The following TMEM30A variants were observed in gnomAD, a reference collection of about 807,000 sequenced individuals.
The protein encoded by TMEM30A is cell cycle control protein 50A.
A neutral mutation model predicts 38.2 loss-of-function variants in TMEM30A; 24 were observed. The ratio of observed to expected loss-of-function variants is 0.63; its 90% CI spans 0.46 to 0.88. The LOEUF (loss-of-function observed/expected upper bound fraction) is 0.88, where lower values mean the gene tolerates loss of function less well. Among genes scored for constraint, TMEM30A ranks in the 40% least tolerant of loss-of-function variants. The pLI, the probability that TMEM30A is intolerant of heterozygous loss-of-function variation, is 0.00. For synonymous variants in TMEM30A, 145 were observed against 161.6 expected, an observed-to-expected ratio of 0.90 and a Z score of 0.78; for missense variants, 370 against 458.6, an observed-to-expected ratio of 0.81 and a Z score of 1.77.
chr6:75,284,552 A>G lies in TMEM30A; in HGVS notation c.87T>C (p.Asp29=), dbSNP rs759709751. The G allele has an allele frequency of 1.2e-6, 2 of 1,613,022 alleles. No individual in the cohort carries two copies. The part of the protein sequence containing the change: ...PGGTAKTRRP[D]NTAFKQQRLP... ...GCCGTTGCTGTTTGAAGGCCGTGTTATCCGGTCTCCGAGTCTTCGCGGTGC... is the reference window on the plus strand; with the variant it reads ...GCCGTTGCTGTTTGAAGGCCGTGTTGTCCGGTCTCCGAGTCTTCGCGGTGC... The change falls in exon 1 of 7, where the codon GAT becomes GAC. Residue 29 remains aspartate, a synonymous_variant. Transcript: ENST00000230461.
chr6:75,260,921 A>C lies in TMEM30A; in HGVS notation c.454-10T>G, dbSNP rs373074701. 5.0e-6 allele frequency: 8 copies of C among 1,584,246 alleles called. No homozygotes were observed. The African/African-American group carries it at 8.2e-5, about 16-fold the overall frequency. On this transcript the variant is annotated splice_polypyrimidine_tract_variant and intron_variant, in intron 3 of 6. Transcript: ENST00000230461. ...ATTCCTTACTGGGATTCTGGTTTTT[A>C]CAAGGAAAAGAAGAGAGAAATTATT...
At chr6:75,284,104 A>C in intron 1 of TMEM30A, 2 of 381,554 alleles carry the variant, frequency 5.2e-6, no homozygotes, top group Non-Finnish European at 9.8e-6. Flanking sequence ...CAAACCGCCC[A>C]CTGAAGAAGC....
chr6:75,258,885 T>G lies in TMEM30A; in HGVS notation c.787A>C (p.Thr263Pro), dbSNP rs747669717. ...TTGCGAAAAGTAGGTAATGCTGCAG[T>G]ACGCATCCAAACAATAAAATCCTCA... Reference protein sequence around the residue: ...INEDFIVWMRTAALPTFRKLY... With the variant: ...INEDFIVWMRPAALPTFRKLY... Residue 263 changes from threonine (T) to proline (P), a missense_variant, in exon 6 of 7, where the codon ACT (threonine) becomes CCT (proline). Physicochemically the swap from Thr to Pro is conservative, Grantham distance 38. Transcript: ENST00000230461. 6.2e-7 allele frequency: 1 copy of G among 1,614,018 alleles called. No homozygotes were observed.
intron 1 of TMEM30A, 123 bp downstream of exon 1, chr6:75,284,279 G>A (rs1004550159): frequency 2.0e-5 from 17 of 861,638 alleles, no homozygotes; most frequent in Non-Finnish European, 3.3e-5. Flanking sequence ...GAGGGAAGGG[G>A]GTGGTGGACG....
chr6:75,258,757 T>A (rs1301547947), intron 6 of TMEM30A, 23 bp downstream of exon 6: 1 of 1,608,884 alleles, frequency 6.2e-7, no homozygotes, highest in Admixed American at 1.7e-5. Flanking sequence ...TATGAATCTG[T>A]ATACCCAGCC....
intron 3 of TMEM30A, among the ~76,000 whole-genome samples, chr6:75,261,145 A>T (rs1771958177): frequency 6.6e-6 from 1 of 152,234 alleles, no homozygotes; most frequent in Admixed American, 6.5e-5. Flanking sequence ...ATGTTTTGTC[A>T]TATATGCATA....
intron 6 of TMEM30A, among the ~76,000 whole-genome samples, chr6:75,258,391 C>T (rs951835256): frequency 2.6e-5 from 4 of 151,994 alleles, no homozygotes; most frequent in African/African-American, 9.7e-5. Context: ...TTAACACATC[C>T]GTTGATTTTT....
chr6:75,283,116 CTAGT>C (rs1772387465), intron 1 of TMEM30A, among the ~76,000 whole-genome samples: 1 of 152,146 alleles, frequency 6.6e-6, no homozygotes, highest in African/African-American at 2.4e-5. Context: ...AACTTTAAAA[CTAGT>C]TATTCTATAG....
In TMEM30A at chr6:75,253,532, G is replaced by GACC. The variant is rs1771817520; in HGVS notation, c.*2569_*2570insGGT. ...GAAGTTAAAACCTGGACTCACTGACGCTGTGTTAAAATTTAGTGCTAAATG... is the reference window on the plus strand; with the variant it reads ...GAAGTTAAAACCTGGACTCACTGACGACCCTGTGTTAAAATTTAGTGCTAAATG... On this transcript the variant is annotated 3_prime_UTR_variant, in exon 7 of 7. Coordinates refer to ENST00000230461, the MANE Select transcript of TMEM30A (RefSeq NM_018247.4). The GACC allele has an allele frequency of 6.6e-6, 1 of 152,600 alleles. No homozygotes were observed. The highest frequency in any genetic ancestry group is 2.4e-5 in the African/African-American group (1 of 41,428). 9.5% of individuals were successfully genotyped at this position (152,600 alleles called of 1,614,324 possible). A position where few individuals can be genotyped will look rare whatever the true frequency, so the allele number is the denominator to read the frequency against.
Position 75,260,889 on chromosome 6 carries a change from G to C in TMEM30A, c.476C>G (p.Pro159Arg). The C allele has an allele frequency of 7.5e-6, 12 of 1,600,792 alleles. No homozygotes were observed. Among genetic ancestry groups the C allele is most frequent in the Non-Finnish European group, 1.0e-5 (12 of 1,176,932 alleles). ...TGGTTTGTCTTCATTTCTTCGATAA[G>C]GTTCACATTCCTTACTGGGATTCTG... ...ALLNPSKECE[P>R]YRRNEDKPIA... The change falls in exon 4 of 7, where the codon CCT (proline) becomes CGT (arginine). Residue 159 changes from proline to arginine, a missense_variant. Coordinates refer to ENST00000230461, the MANE Select transcript of TMEM30A (RefSeq NM_018247.4).
intron 1 of TMEM30A, chr6:75,272,883 A>G (rs1160149720): frequency 6.6e-6 from 1 of 152,154 alleles, no homozygotes; most frequent in African/African-American, 2.4e-5. Context: ...CTCTCCATAA[A>G]CCCATGGTAG....
At chr6:75,276,114 T>C (rs1205825416) in intron 1 of TMEM30A, among the ~76,000 whole-genome samples, 1 of 152,218 alleles carries the variant, frequency 6.6e-6, no homozygotes, top group Non-Finnish European at 1.5e-5. Context: ...TCCAGATAGC[T>C]GAACACATGG....
rs1771858047 is a variant in TMEM30A at position 75,255,897 on chromosome 6, T to A, written c.*205A>T. 1 of 481,896 alleles carries A rather than the reference T, an allele frequency of 2.1e-6. No individual in the cohort carries two copies. Among genetic ancestry groups the A allele is most frequent in the East Asian group, 3.3e-5 (1 of 30,626 alleles). 29.9% of individuals were successfully genotyped at this position (481,896 alleles called of 1,614,324 possible). On this transcript the variant is annotated 3_prime_UTR_variant, in exon 7 of 7. Transcript: ENST00000230461. ...TTCAGCAGTTACAGTGTTGATATGATCAATATAGCTAATTTTTTTATACCC... is the reference window on the plus strand; with the variant it reads ...TTCAGCAGTTACAGTGTTGATATGAACAATATAGCTAATTTTTTTATACCC...
intron 2 of TMEM30A, 68 bp downstream of exon 2, chr6:75,267,573 G>T (rs1216850690): frequency 2.6e-5 from 27 of 1,042,366 alleles, no homozygotes; most frequent in Non-Finnish European, 3.1e-5. Flanking sequence ...CCTTGTAAAA[G>T]ACATTTAGTA....
Position 75,254,091 on chromosome 6 carries a change from A to G in TMEM30A, c.*2011T>C, listed in dbSNP as rs1191984237. The stretch of plus-strand genomic sequence containing the variant: ...AGGAGTTCCTTAGAGATCAAACAGC[A>G]GAAAACAGGAGGAACTTAGGCCATC... On this transcript the variant is annotated 3_prime_UTR_variant, in exon 7 of 7. Coordinates refer to ENST00000230461, the MANE Select transcript of TMEM30A (RefSeq NM_018247.4). The G allele has an allele frequency of 6.6e-6, 1 of 152,186 alleles. No individual in the cohort carries two copies. The allele number at this position is 152,186 out of a possible 1,614,324, so 9.4% of individuals were successfully genotyped here.
At chr6:75,264,565 G>C (rs908625659) in intron 3 of TMEM30A, among the ~76,000 whole-genome samples, 2 of 152,026 alleles carry the variant, frequency 1.3e-5, no homozygotes, top group African/African-American at 4.8e-5. Context: ...GAACCCAGGA[G>C]GTGGAGGCTG....
chr6:75,265,347 A>G lies in TMEM30A; in HGVS notation c.346-9T>C. 1 of 1,527,586 alleles carries G rather than the reference A, an allele frequency of 6.5e-7. No homozygotes were observed. The highest frequency in any genetic ancestry group is 1.4e-5 in the African/African-American group (1 of 71,778). The allele number at this position is 1,527,586 out of a possible 1,614,324, so 94.6% of individuals were successfully genotyped here. On this transcript the variant is annotated splice_polypyrimidine_tract_variant and intron_variant, in intron 2 of 6. Coordinates refer to ENST00000230461, the MANE Select transcript of TMEM30A (RefSeq NM_018247.4). ...TACATAAACACGTTGCCCTAGAGAA[A>G]CAGAGAGGGAAAAAATTTTCATATA... is the stretch of plus-strand genomic sequence containing the variant.
At chr6:75,259,101 C>T in intron 5 of TMEM30A, 115 bp from the exon 6 acceptor site, 1 of 948,296 alleles carries the variant, frequency 1.1e-6, no homozygotes, top group Non-Finnish European at 1.5e-6. Context: ...AGAAGCTTTG[C>T]TGCAATTTTA....
At chr6:75,281,857 C>A (rs1772361642) in intron 1 of TMEM30A, among the ~76,000 whole-genome samples, 1 of 152,050 alleles carries the variant, frequency 6.6e-6, no homozygotes, top group Admixed American at 6.6e-5. Context: ...TAGTGGGTAA[C>A]AAAGGGTAGA....
Sources: allele counts gnomAD v4.1 joint callset (sites outside exome capture counted in the v4.1 genomes callset), GRCh38; gene constraint gnomAD v4.1.1; transcripts MANE v1.5; gene names NCBI Gene and HGNC (gene_info 2026-07-23, HGNC 2026-07-21).